Variants in GRM5 observed in about 807,000 individuals in gnomAD.
The protein encoded by GRM5 is metabotropic glutamate receptor 5.
GRM5 carries 19 observed loss-of-function variants against 83.1 expected under a neutral mutation model. The observed-to-expected ratio is 0.23, with a 90% confidence interval of 0.16 to 0.34. The LOEUF (loss-of-function observed/expected upper bound fraction) is 0.34, where lower values mean the gene tolerates loss of function less well. Ranked by LOEUF, GRM5 falls within the 10% of genes least tolerant of loss-of-function variation. The pLI is 1.00. For missense variants in GRM5, 1,160 were observed against 1,588.3 expected, an observed-to-expected ratio of 0.73 and a Z score of 4.58; for synonymous variants, 675 against 633.6, an observed-to-expected ratio of 1.07 and a Z score of -0.98.
chr11:88,650,876 C>T (rs1939613728), intron 4 of GRM5, among the ~76,000 whole-genome samples: 3 of 151,958 alleles, frequency 2.0e-5, no homozygotes, highest in Non-Finnish European at 4.4e-5. Context: ...CTTATTTTGT[C>T]TCTCTAAATC....
rs185199121 is a variant in GRM5 at position 88,601,229 on chromosome 11, C to T, written c.1394+3489G>A. Among the ~76,000 whole-genome samples, 173 of 152,266 alleles carry T rather than the reference C, an allele frequency of 1.1e-3. 1 individual carries two copies. In the Middle Eastern group the frequency reaches 0.014, roughly 12 times the overall value. ...GGACAATCTGGACATTGAAGCAGAA[C>T]ATCTGTTTCTATGAGCAGAGACATA... is the stretch of plus-strand genomic sequence containing the variant. On this transcript the variant is annotated intron_variant, in intron 5 of 9. Transcript: ENST00000305447.
At chr11:89,064,771 C>A (rs369473012) in intron 1 of GRM5, among the ~76,000 whole-genome samples, 225 of 150,854 alleles carry the variant, frequency 1.5e-3, no homozygotes, top group African/African-American at 5.1e-3. Context: ...ACCCGATCAC[C>A]CTGTTCTTGT....
intron 3 of GRM5, among the ~76,000 whole-genome samples, chr11:88,747,863 A>G (rs1309739124): frequency 6.6e-6 from 1 of 152,158 alleles, no homozygotes; most frequent in Non-Finnish European, 1.5e-5. Context: ...CAGAGGGCCA[A>G]TTAGAAGCAG....
In GRM5 at chr11:88,507,864, T is replaced by C. The variant is rs1420968269; in HGVS notation, c.*728A>G. The C allele has an allele frequency of 6.6e-6, 1 of 152,646 alleles. No individual in the cohort carries two copies. Among genetic ancestry groups the C allele is most frequent in the Non-Finnish European group, 1.5e-5 (1 of 68,036 alleles). 9.5% of individuals were successfully genotyped at this position (152,646 alleles called of 1,614,324 possible). On this transcript the variant is annotated 3_prime_UTR_variant, in exon 10 of 10. Coordinates refer to ENST00000305447, the MANE Select transcript of GRM5 (RefSeq NM_001143831.3). ...ATCTTCCACTGGTTTTCTTGGTTAA[T>C]GGAGGTGAATCTGAAATAAGTAGGT...
chr11:88,901,601 G>C (rs1263935772), intron 2 of GRM5, among the ~76,000 whole-genome samples: 4 of 152,142 alleles, frequency 2.6e-5, no homozygotes, highest in African/African-American at 9.7e-5. Context: ...TCATGTTTGT[G>C]CATTATGGTG....
chr11:88,821,923 C>T (rs968104562), intron 3 of GRM5, among the ~76,000 whole-genome samples: 18 of 151,216 alleles, frequency 1.2e-4, no homozygotes, highest in African/African-American at 3.9e-4. Context: ...ACTGGAGTTC[C>T]CAATTTCCTA....
chr11:88,876,584 C>G (rs1339360855), intron 2 of GRM5, among the ~76,000 whole-genome samples: 1 of 152,106 alleles, frequency 6.6e-6, no homozygotes, highest in African/African-American at 2.4e-5. Context: ...ACACCTTCCT[C>G]ATTAAGCTTA....
chr11:88,792,391 A>C (rs1309034817), intron 3 of GRM5, among the ~76,000 whole-genome samples: 2 of 152,132 alleles, frequency 1.3e-5, no homozygotes, highest in Non-Finnish European at 1.5e-5. Context: ...CCCAATCTCT[A>C]AATAGAAAAA....
intron 2 of GRM5, among the ~76,000 whole-genome samples, chr11:88,987,324 C>G (rs568284106): frequency 2.6e-5 from 4 of 152,168 alleles, no homozygotes; most frequent in African/African-American, 9.6e-5. Flanking sequence ...CGGCACACCA[C>G]GAGATTATAT....
chr11:89,065,600 G>A (rs1237343451), intron 1 of GRM5, among the ~76,000 whole-genome samples, 176 bp downstream of exon 1: 2 of 152,068 alleles, frequency 1.3e-5, no homozygotes, highest in African/African-American at 4.8e-5. Flanking sequence ...ACCTCGTAGC[G>A]TTCCTGGCTC....
chr11:89,035,668 C>A (rs1053567452), intron 2 of GRM5, among the ~76,000 whole-genome samples: 1 of 151,852 alleles, frequency 6.6e-6, no homozygotes, highest in African/African-American at 2.4e-5. Context: ...ATATTAATAA[C>A]AGCACGAAAA....
chr11:88,555,582 A>C (rs1942607497), intron 8 of GRM5, among the ~76,000 whole-genome samples: 1 of 152,128 alleles, frequency 6.6e-6, no homozygotes, highest in Admixed American at 6.6e-5. Flanking sequence ...ACATAAATAA[A>C]TGAAAGAAAC....
At chr11:88,551,519 T>C (rs1942508270) in intron 8 of GRM5, among the ~76,000 whole-genome samples, 1 of 152,234 alleles carries the variant, frequency 6.6e-6, no homozygotes, top group East Asian at 1.9e-4. Context: ...AATTCTTTTT[T>C]CCCCCTCCAG....
At chr11:88,703,860 T>G (rs1317706303) in intron 3 of GRM5, among the ~76,000 whole-genome samples, 1 of 152,076 alleles carries the variant, frequency 6.6e-6, no homozygotes, top group African/African-American at 2.4e-5. Flanking sequence ...TGCCTCAACC[T>G]CATCAACCCT....
At chr11:88,569,379 G>T (rs1942938254) in intron 7 of GRM5, among the ~76,000 whole-genome samples, 1 of 152,208 alleles carries the variant, frequency 6.6e-6, no homozygotes, top group Non-Finnish European at 1.5e-5. Context: ...CTAATTGCAT[G>T]TCAATATCTA....
chr11:89,002,110 G>T lies in GRM5; in HGVS notation c.661+45102C>A, dbSNP rs376958593. On this transcript the variant is annotated intron_variant, in intron 2 of 9. Transcript: ENST00000305447. ...GCCTGGAGCTCATATTGTCTTCTAA[G>T]ATTCTTGGATTGAACATATTTCTAT... Among the ~76,000 whole-genome samples, 11 of 152,200 alleles carry T rather than the reference G, an allele frequency of 7.2e-5. No individual in the cohort carries two copies. The East Asian group carries it at 1.5e-3, about 21-fold the overall frequency.
At chr11:88,664,740 C>T (rs1939996598) in intron 3 of GRM5, among the ~76,000 whole-genome samples, 1 of 152,066 alleles carries the variant, frequency 6.6e-6, no homozygotes, top group Non-Finnish European at 1.5e-5. Context: ...AGCCACAGTG[C>T]CCAGCCTCAC....
At chr11:89,001,367 C>T (rs1278171752) in intron 2 of GRM5, among the ~76,000 whole-genome samples, 2 of 152,014 alleles carry the variant, frequency 1.3e-5, no homozygotes, top group South Asian at 4.1e-4. Flanking sequence ...GATGGTATAT[C>T]CATATCAGGG....
At chr11:88,801,103 C>T (rs1183154378) in intron 3 of GRM5, among the ~76,000 whole-genome samples, 3 of 151,960 alleles carry the variant, frequency 2.0e-5, no homozygotes, top group Admixed American at 6.6e-5. Context: ...ACCATTAAGC[C>T]TTTGACTTTT....
Sources: gnomAD v4.1 joint callset for allele counts (sites outside exome capture counted in the v4.1 genomes callset) on GRCh38, gnomAD v4.1.1 for gene constraint, MANE v1.5 for transcripts, NCBI Gene and HGNC (gene_info 2026-07-23, HGNC 2026-07-21) for gene names.